CCSER1: variants seen among roughly 807,000 people sequenced by gnomAD.
The protein encoded by CCSER1 is coiled-coil serine rich protein 1.
A neutral mutation model predicts 82.0 loss-of-function variants in CCSER1; 41 were observed. The ratio of observed to expected loss-of-function variants is 0.50; its 90% CI spans 0.39 to 0.65. CCSER1 has a LOEUF of 0.65. CCSER1 is among the 30% of genes least tolerant of loss of function. CCSER1 has a pLI of 0.00. For synonymous variants in CCSER1, 414 were observed against 383.9 expected (o/e 1.08, Z -0.92); for missense variants, 1,119 against 1,064.2 (o/e 1.05, Z -0.72).
intron 10 of CCSER1, among the ~76,000 whole-genome samples, chr4:91,214,587 C>T (rs1377768165): frequency 6.6e-6 from 1 of 152,248 alleles, no homozygotes; most frequent in East Asian, 1.9e-4. Context: ...TGAGCAGACT[C>T]TATTTTTCTT....
chr4:90,503,277 T>A (rs1380670325), intron 5 of CCSER1, among the ~76,000 whole-genome samples: 1 of 152,292 alleles, frequency 6.6e-6, no homozygotes, highest in East Asian at 1.9e-4. Flanking sequence ...GAAACTGATG[T>A]AAAGCTGAGA....
chr4:90,814,404 A>G (rs1357483223), intron 7 of CCSER1, among the ~76,000 whole-genome samples: 1 of 152,214 alleles, frequency 6.6e-6, no homozygotes, highest in African/African-American at 2.4e-5. Context: ...CTTGGCTATA[A>G]CATTTGGCTC....
chr4:90,985,381 T>C (rs910004666), intron 9 of CCSER1, among the ~76,000 whole-genome samples: 5 of 151,630 alleles, frequency 3.3e-5, no homozygotes, highest in African/African-American at 4.8e-5. Flanking sequence ...TAGCGGTTAC[T>C]CTTAAATATT....
intron 7 of CCSER1, among the ~76,000 whole-genome samples, chr4:90,736,103 G>A (rs1187387283): frequency 6.6e-6 from 1 of 152,064 alleles, no homozygotes; most frequent in African/African-American, 2.4e-5. Flanking sequence ...AAAATTGTAA[G>A]ACTTGTTCTG....
At chr4:91,155,924 C>G (rs1730769866) in intron 10 of CCSER1, among the ~76,000 whole-genome samples, 1 of 151,736 alleles carries the variant, frequency 6.6e-6, no homozygotes, top group African/African-American at 2.4e-5. Context: ...AAACTGAACA[C>G]TGATATTAAG....
intron 10 of CCSER1, among the ~76,000 whole-genome samples, chr4:91,353,038 A>G (rs561937513): frequency 6.6e-6 from 1 of 152,298 alleles, no homozygotes; most frequent in African/African-American, 2.4e-5. Flanking sequence ...AAGAATGGAG[A>G]GAAGGAATCG....
intron 10 of CCSER1, among the ~76,000 whole-genome samples, chr4:91,503,499 G>T (rs1759327777): frequency 1.3e-5 from 2 of 152,114 alleles, no homozygotes; most frequent in Non-Finnish European, 2.9e-5. Context: ...TGTCAGTGAA[G>T]AAAATACTGT....
chr4:91,525,720 C>T (rs996729503), intron 10 of CCSER1, among the ~76,000 whole-genome samples: 1 of 152,056 alleles, frequency 6.6e-6, no homozygotes, highest in African/African-American at 2.4e-5. Context: ...TTCTCTTACT[C>T]CAAGTACACT....
At chr4:91,313,080 A>T (rs147022419) in intron 10 of CCSER1, among the ~76,000 whole-genome samples, 1 of 151,914 alleles carries the variant, frequency 6.6e-6, no homozygotes, top group African/African-American at 2.4e-5. Flanking sequence ...AAAGATTTTC[A>T]TCCAAGTCTA....
intron 2 of CCSER1, among the ~76,000 whole-genome samples, chr4:90,312,004 GGTAA>G (rs1335447275): frequency 6.6e-6 from 1 of 152,132 alleles, no homozygotes; most frequent in African/African-American, 2.4e-5. Flanking sequence ...AACTGCTGAG[GGTAA>G]GTTTAAAGCA....
chr4:90,174,414 T>G (rs1258359277), intron 1 of CCSER1, among the ~76,000 whole-genome samples: 1 of 151,950 alleles, frequency 6.6e-6, no homozygotes, highest in Admixed American at 6.6e-5. Context: ...ACTGGAACAC[T>G]GGAATCAGCC....
chr4:90,760,351 TA>T (rs1304577011), intron 7 of CCSER1, among the ~76,000 whole-genome samples: 9 of 152,036 alleles, frequency 5.9e-5, no homozygotes, highest in African/African-American at 2.2e-4. Flanking sequence ...AGATATGAGC[TA>T]ATTTGTATTT....
chr4:91,497,124 C>T (rs961679116), intron 10 of CCSER1, among the ~76,000 whole-genome samples: 2 of 151,040 alleles, frequency 1.3e-5, no homozygotes, highest in African/African-American at 2.4e-5. Context: ...GGCTTAAATC[C>T]CAGATTTCCA....
At chr4:90,260,459 G>C (rs1191508377) in intron 1 of CCSER1, among the ~76,000 whole-genome samples, 2 of 152,024 alleles carry the variant, frequency 1.3e-5, no homozygotes, top group Non-Finnish European at 2.9e-5. Context: ...TATAGGTTTA[G>C]GATTGTAATG....
intron 8 of CCSER1, among the ~76,000 whole-genome samples, chr4:90,896,781 G>T (rs1237781060): frequency 6.6e-6 from 1 of 151,840 alleles, no homozygotes; most frequent in Non-Finnish European, 1.5e-5. Flanking sequence ...GAGCCATGAA[G>T]ATATTCTTAA....
chr4:90,379,969 T>G (rs986518645), intron 3 of CCSER1, among the ~76,000 whole-genome samples: 11 of 152,068 alleles, frequency 7.2e-5, no homozygotes, highest in African/African-American at 2.7e-4. Flanking sequence ...TACACTCTTT[T>G]AAACAACCAG....
chr4:91,543,164 C>T (rs1164720431), intron 10 of CCSER1, among the ~76,000 whole-genome samples: 3 of 152,132 alleles, frequency 2.0e-5, no homozygotes, highest in African/African-American at 7.2e-5. Flanking sequence ...GTAGATCTTC[C>T]TCCATCCCCT....
At chr4:90,406,591 G>C (rs951556977) in intron 4 of CCSER1, among the ~76,000 whole-genome samples, 4 of 152,078 alleles carry the variant, frequency 2.6e-5, no homozygotes, top group Admixed American at 1.3e-4. Flanking sequence ...CGTTCTCCAA[G>C]ACCATAAGAC....
At chr4:91,439,258 G>A (rs1754929668) in intron 10 of CCSER1, among the ~76,000 whole-genome samples, 1 of 152,178 alleles carries the variant, frequency 6.6e-6, no homozygotes, top group Non-Finnish European at 1.5e-5. Context: ...CCAAAGGGAA[G>A]CCCATCAGAC....
Sources: allele counts gnomAD v4.1 joint callset (sites outside exome capture counted in the v4.1 genomes callset), GRCh38; gene constraint gnomAD v4.1.1; transcripts MANE v1.5; gene names NCBI Gene and HGNC (gene_info 2026-07-23, HGNC 2026-07-21).